PAK5: variants seen among roughly 807,000 people sequenced by gnomAD.
PAK5 encodes serine/threonine-protein kinase PAK 5.
In PAK5, 16 loss-of-function variants were observed where a neutral mutation model predicts 65.9. The observed-to-expected ratio is 0.24, with a 90% CI of 0.16 to 0.37. The LOEUF is 0.37. Ranked by LOEUF, PAK5 falls within the 10% of genes least tolerant of loss-of-function variation. The pLI is 1.00. For synonymous variants in PAK5, 371 were observed against 354.9 expected (o/e 1.05, Z -0.51); for missense variants, 785 against 903.9 (o/e 0.87, Z 1.69).
intron 3 of PAK5, among the ~76,000 whole-genome samples, chr20:9,608,837 C>A (rs1196387868): frequency 6.6e-6 from 1 of 152,176 alleles, no homozygotes; most frequent in Non-Finnish European, 1.5e-5. Flanking sequence ...GCCCTGACAG[C>A]CCTAATAAAT....
At chr20:9,614,526 T>C (rs219854) in intron 3 of PAK5, among the ~76,000 whole-genome samples, 82,312 of 151,954 alleles carry the variant, frequency 0.54, 23,204 homozygotes, top group East Asian at 0.87. Flanking sequence ...CTAGCCACAT[T>C]GTTTTCAAAC....
chr20:9,741,813 C>A (rs1328397903), intron 1 of PAK5, among the ~76,000 whole-genome samples: 1 of 151,502 alleles, frequency 6.6e-6, no homozygotes, highest in Non-Finnish European at 1.5e-5. Context: ...TGCATGGAAT[C>A]TTTGATACAT....
intron 1 of PAK5, among the ~76,000 whole-genome samples, chr20:9,720,609 C>T (rs2048202605): frequency 6.6e-6 from 1 of 151,934 alleles, no homozygotes; most frequent in African/African-American, 2.4e-5. Context: ...CAGGTATATA[C>T]CCCAAAAAAC....
chr20:9,541,771 A>G (rs1004750982), intron 9 of PAK5, among the ~76,000 whole-genome samples: 6 of 152,012 alleles, frequency 3.9e-5, no homozygotes, highest in Non-Finnish European at 7.4e-5. Context: ...CAAGGGAGGG[A>G]CTTGGTGGAA....
chr20:9,662,571 G>T (rs909548585), intron 2 of PAK5, among the ~76,000 whole-genome samples: 1 of 152,128 alleles, frequency 6.6e-6, no homozygotes, highest in Non-Finnish European at 1.5e-5. Context: ...ATGCAGAGAA[G>T]AACAAAGTGC....
At chr20:9,560,135 T>C (rs1395407302) in intron 6 of PAK5, among the ~76,000 whole-genome samples, 1 of 152,210 alleles carries the variant, frequency 6.6e-6, no homozygotes, top group Non-Finnish European at 1.5e-5. Context: ...TAACCGCTAG[T>C]CACTAACAGA....
chr20:9,573,617 G>C (rs374743793), intron 4 of PAK5, among the ~76,000 whole-genome samples: 9 of 152,268 alleles, frequency 5.9e-5, no homozygotes, highest in African/African-American at 1.2e-4. Flanking sequence ...CCAAGTCTTG[G>C]GGGGAAGAAA....
At chr20:9,813,272 A>G (rs764264509) in intron 1 of PAK5, among the ~76,000 whole-genome samples, 1 of 151,812 alleles carries the variant, frequency 6.6e-6, no homozygotes, top group Non-Finnish European at 1.5e-5. Context: ...ACTGCTATGG[A>G]GCAAGGACAA....
intron 2 of PAK5, among the ~76,000 whole-genome samples, chr20:9,654,319 T>A (rs1041373510): frequency 2.6e-5 from 4 of 152,192 alleles, no homozygotes; most frequent in Non-Finnish European, 5.9e-5. Flanking sequence ...CTTTCTCTTC[T>A]ACTTTTAAGG....
chr20:9,823,817 G>GA (rs1333046702), intron 1 of PAK5, among the ~76,000 whole-genome samples: 1 of 74,908 alleles, frequency 1.3e-5, no homozygotes, highest in Non-Finnish European at 3.6e-5. Context: ...GTCTGTTTCT[G>GA]GGGGGGAAAT....
chr20:9,599,471 C>A (rs929320496), intron 3 of PAK5, among the ~76,000 whole-genome samples: 11 of 152,346 alleles, frequency 7.2e-5, no homozygotes, highest in African/African-American at 2.4e-4. Flanking sequence ...CCCATCAGCA[C>A]TGCATGAGGA....
rs899924979 is a variant in PAK5, at chr20:9,811,002, G to A, written c.-162+27760C>T. ...AATCCAGCTCACAAAAGAGACATCT[G>A]GCAGCCACATCAGCAATAGAAGCAG... On this transcript the variant is annotated intron_variant, in intron 1 of 9. Transcript: ENST00000353224. Among the ~76,000 whole-genome samples the A allele has an allele frequency of 2.0e-5, 3 of 152,224 alleles. No individual in the cohort carries two copies. In the East Asian group the frequency reaches 5.8e-4, roughly 29 times the overall value.
At chr20:9,802,908 G>GTATATATATATATATA (rs2049185951) in intron 1 of PAK5, among the ~76,000 whole-genome samples, 1 of 1,936 alleles carries the variant, frequency 5.2e-4, no homozygotes, top group Non-Finnish European at 8.9e-4. Context: ...GTATATGTAT[G>GTATATATATATATATA]TGTATATATA....
At chr20:9,541,629 T>C (rs1047057872) in intron 9 of PAK5, among the ~76,000 whole-genome samples, 6 of 152,310 alleles carry the variant, frequency 3.9e-5, no homozygotes, top group South Asian at 2.1e-4. Flanking sequence ...TGGTACCTTC[T>C]TCCTATTCAG....
chr20:9,815,093 C>A (rs1234354688), intron 1 of PAK5, among the ~76,000 whole-genome samples: 1 of 152,056 alleles, frequency 6.6e-6, no homozygotes, highest in Admixed American at 6.6e-5. Context: ...CTCTTTTCAA[C>A]AACTAGTTCT....
chr20:9,614,761 C>T (rs2046624705), intron 3 of PAK5, among the ~76,000 whole-genome samples: 2 of 152,198 alleles, frequency 1.3e-5, no homozygotes, highest in African/African-American at 2.4e-5. Flanking sequence ...GACTTAAAGG[C>T]TTTCTCAGAC....
chr20:9,618,196 TC>T (rs1467303815), intron 3 of PAK5, among the ~76,000 whole-genome samples: 3 of 151,894 alleles, frequency 2.0e-5, no homozygotes, highest in African/African-American at 7.3e-5. Context: ...AAGGAACAGC[TC>T]TAGGAAGTGC....
chr20:9,620,457 G>C (rs181755255), intron 3 of PAK5, among the ~76,000 whole-genome samples: 33 of 152,320 alleles, frequency 2.2e-4, no homozygotes, highest in African/African-American at 7.9e-4. Context: ...CACTTCTTTT[G>C]ACCACATGGC....
At chr20:9,658,535 G>C (rs2047300658) in intron 2 of PAK5, among the ~76,000 whole-genome samples, 1 of 152,128 alleles carries the variant, frequency 6.6e-6, no homozygotes. Context: ...AGATTCAATG[G>C]GTGGGGAAAT....
Sources: allele counts gnomAD v4.1 joint callset (sites outside exome capture counted in the v4.1 genomes callset), GRCh38; gene constraint gnomAD v4.1.1; transcripts MANE v1.5; gene names NCBI Gene and HGNC (gene_info 2026-07-23, HGNC 2026-07-21).